The following CTNND1 variants were observed in gnomAD, a reference collection of about 807,000 sequenced individuals.
CTNND1 encodes catenin delta-1.
A neutral mutation model predicts 112.1 loss-of-function variants in CTNND1; 16 were observed. That is an observed-to-expected ratio of 0.14 (90% CI 0.10 to 0.22). The LOEUF (loss-of-function observed/expected upper bound fraction) is 0.22, where lower values mean the gene tolerates loss of function less well. Among genes scored for constraint, CTNND1 ranks in the 10% least tolerant of loss-of-function variants. CTNND1 has a pLI of 1.00. For synonymous variants in CTNND1, 420 were observed against 446.5 expected, an observed-to-expected ratio of 0.94 and a Z score of 0.75; for missense variants, 1,008 against 1,257.0, an observed-to-expected ratio of 0.80 and a Z score of 3.00.
At chr11:57,813,478 T>C (rs1458997090) in intron 17 of CTNND1, among the ~76,000 whole-genome samples, 3 of 152,200 alleles carry the variant, frequency 2.0e-5, no homozygotes, top group Non-Finnish European at 4.4e-5. Flanking sequence ...CAAATACATA[T>C]GTCAAAATCG....
At position 57,789,732 on chromosome 11, in the gene CTNND1, G is replaced by A. The variant is rs117007972; in HGVS notation, c.-95+577G>A. 4.6e-4 allele frequency among the ~76,000 whole-genome samples: 70 copies of A among 152,270 alleles called. No individual in the cohort carries two copies. The East Asian group carries it at 5.2e-3, about 11-fold the overall frequency. ...AAAGTTTACAAATTTGTGTTGGGCC[G>A]CATTCAAAGCTGTCCTGGGCTGCAT... is the stretch of plus-strand genomic sequence containing the variant. On this transcript the variant is annotated intron_variant, in intron 2 of 20. Coordinates refer to ENST00000399050, the MANE Select transcript of CTNND1 (RefSeq NM_001085458.2).
chr11:57,789,096 T>C lies in CTNND1; in HGVS notation c.-154T>C, dbSNP rs2060423872. On this transcript the variant is annotated 5_prime_UTR_variant, in exon 2 of 21. It removes the in-frame stop codon of an upstream open reading frame in the 5' UTR. Coordinates refer to ENST00000399050, the MANE Select transcript of CTNND1 (RefSeq NM_001085458.2). The stretch of plus-strand genomic sequence containing the variant: ...CTGGGATGCTTCTTCCATGATTTTT[T>C]GAATCTAGACTGGGCTGTTCTCTGT... 2 of 1,535,804 alleles carry C rather than the reference T, an allele frequency of 1.3e-6. No individual in the cohort carries two copies. Among genetic ancestry groups the C allele is most frequent in the Non-Finnish European group, 1.7e-6 (2 of 1,146,908 alleles).
intron 1 of CTNND1, among the ~76,000 whole-genome samples, chr11:57,783,290 A>G (rs1015146962): frequency 3.3e-5 from 5 of 151,818 alleles, no homozygotes; most frequent in South Asian, 4.2e-4. Context: ...AAAAACAAAC[A>G]AACAAACAAA....
At chr11:57,793,126 C>T (rs936943975) in intron 3 of CTNND1, 2 of 152,158 alleles carry the variant, frequency 1.3e-5, no homozygotes, top group Non-Finnish European at 2.9e-5. Context: ...CTTCCTTCTT[C>T]CTGAAAGTAA....
intron 6 of CTNND1, among the ~76,000 whole-genome samples, chr11:57,800,819 C>T (rs2137090651): frequency 6.6e-6 from 1 of 152,284 alleles, no homozygotes; most frequent in Non-Finnish European, 1.5e-5. Context: ...GGGTTTCTTC[C>T]TTCCTGGTAG....
In CTNND1 at chr11:57,807,284, C is replaced by G. The variant is rs2062789937; in HGVS notation, c.1963+301C>G. Among the ~76,000 whole-genome samples the G allele has an allele frequency of 2.0e-5, 3 of 152,160 alleles. No individual in the cohort carries two copies. In the South Asian group the frequency reaches 6.2e-4, roughly 32 times the overall value. ...TGTAGTGCCTGAGACTTAAACCTCA[C>G]TATTAAAAGAGGCTTCTTTACCAAG... On this transcript the variant is annotated intron_variant, in intron 12 of 20. Transcript: ENST00000399050.
chr11:57,767,711 A>T (rs1212925686), intron 1 of CTNND1, among the ~76,000 whole-genome samples: 4 of 152,162 alleles, frequency 2.6e-5, no homozygotes, highest in African/African-American at 9.7e-5. Flanking sequence ...GTGACACTTA[A>T]GTTATTTAAT....
chr11:57,791,951 A>T (rs934746332), intron 3 of CTNND1, among the ~76,000 whole-genome samples: 1 of 152,056 alleles, frequency 6.6e-6, no homozygotes, highest in African/African-American at 2.4e-5. Flanking sequence ...GTAATGGTAG[A>T]TAGTTTAGTT....
intron 1 of CTNND1, chr11:57,781,515 A>G (rs555059003): frequency 1.3e-5 from 2 of 152,170 alleles, no homozygotes; most frequent in South Asian, 2.1e-4. Flanking sequence ...CCCTTCCTTT[A>G]GTCTAACACC....
At chr11:57,786,144 G>A (rs1356891186) in intron 1 of CTNND1, among the ~76,000 whole-genome samples, 1 of 150,456 alleles carries the variant, frequency 6.6e-6, no homozygotes, top group Non-Finnish European at 1.5e-5. Flanking sequence ...GGAATAACAA[G>A]TTTCACTTTA....
rs145871725 is a variant in CTNND1, at chr11:57,804,592, T to C, written c.1605-71T>C. The C allele has an allele frequency of 1.9e-4, 206 of 1,090,348 alleles. 1 individual carries two copies. In the African/African-American group the frequency reaches 2.9e-3, roughly 15 times the overall value. The allele number at this position is 1,090,348 out of a possible 1,614,324, so 67.5% of individuals were successfully genotyped here. The stretch of plus-strand genomic sequence containing the variant: ...TAGAAAAACATATTCAGGAATCTTG[T>C]AGGTGTTGAGGGATATTTAAGGGAG... On this transcript the variant is annotated intron_variant, in intron 8 of 20. Coordinates refer to ENST00000399050, the MANE Select transcript of CTNND1 (RefSeq NM_001085458.2).
chr11:57,789,610 GGAA>G (rs2060476637), intron 2 of CTNND1, among the ~76,000 whole-genome samples: 2 of 152,298 alleles, frequency 1.3e-5, no homozygotes, highest in South Asian at 2.1e-4. Flanking sequence ...GGGCTACAGT[GGAA>G]GAAGAATTGT....
At position 57,794,085 on chromosome 11, in the gene CTNND1, A is replaced by G. The variant is rs750185141; in HGVS notation, c.267+4A>G. On this transcript the variant is annotated splice_donor_region_variant and intron_variant, in intron 4 of 20. Transcript: ENST00000399050. Reference sequence around the variant, plus strand: ...TTTGAAACTCAACGGACCCCAGGTAATTCTTTGGCTCAAGACCTGGGTTGC... The same window carrying G: ...TTTGAAACTCAACGGACCCCAGGTAGTTCTTTGGCTCAAGACCTGGGTTGC... The G allele has an allele frequency of 6.2e-7, 1 of 1,613,644 alleles. No individual in the cohort carries two copies. Among genetic ancestry groups the G allele is most frequent in the East Asian group, 2.2e-5 (1 of 44,882 alleles).
At chr11:57,798,117 G>T (rs1386827770) in intron 6 of CTNND1, among the ~76,000 whole-genome samples, 3 of 152,048 alleles carry the variant, frequency 2.0e-5, no homozygotes, top group Non-Finnish European at 4.4e-5. Context: ...GGGAGGCCGA[G>T]TTGGGCGGAT....
rs371436012 is a variant in CTNND1 at position 57,806,943 on chromosome 11, C to T, written c.1923C>T (p.Asn641=). ...RGKKPIEDPA[N]DTVDFPKRTS... Reference sequence around the variant, plus strand: ...AAAAACCTATAGAGGATCCAGCAAACGATACAGTGGATTTCCCTAAAAGAA... The same window carrying T: ...AAAAACCTATAGAGGATCCAGCAAATGATACAGTGGATTTCCCTAAAAGAA... Residue 641 remains asparagine, a synonymous_variant, in exon 12 of 21, where the codon AAC becomes AAT. Coordinates refer to ENST00000399050, the MANE Select transcript of CTNND1 (RefSeq NM_001085458.2). The T allele has an allele frequency of 1.2e-5, 19 of 1,601,396 alleles. No homozygotes were observed. The highest frequency in any genetic ancestry group is 6.7e-5 in the East Asian group (3 of 44,602).
At chr11:57,790,466 C>T (rs2060585529) in intron 2 of CTNND1, among the ~76,000 whole-genome samples, 2 of 111,182 alleles carry the variant, frequency 1.8e-5, no homozygotes, top group African/African-American at 5.6e-5. Flanking sequence ...TCACTGCAAC[C>T]TCCGCTATTC....
At position 57,796,754 on chromosome 11, in the gene CTNND1, C is replaced by T. The variant is rs750431202; in HGVS notation, c.718C>T (p.Arg240Trp). 5 of 1,612,994 alleles carry T rather than the reference C, an allele frequency of 3.1e-6. No homozygotes were observed. The highest frequency in any genetic ancestry group is 2.2e-5 in the South Asian group (2 of 90,970). ...SLSRVTRIEE[R>W]YRPSMEGYRA... ...GTCCCGGGTGACCCGCATTGAGGAGCGGTATAGGCCCAGCATGGAAGGCTA... is the reference window on the plus strand; with the variant it reads ...GTCCCGGGTGACCCGCATTGAGGAGTGGTATAGGCCCAGCATGGAAGGCTA... Residue 240 changes from arginine to tryptophan, a missense_variant, in exon 6 of 21, where the codon CGG becomes TGG. By Grantham distance (101) the Arg-to-Trp change is moderately radical. Coordinates refer to ENST00000399050, the MANE Select transcript of CTNND1 (RefSeq NM_001085458.2).
rs2060420073 is a variant in CTNND1, at chr11:57,789,043, C to G, written c.-207C>G. The stretch of plus-strand genomic sequence containing the variant: ...CCTTCAAATATTTCTGCAGCTCTCT[C>G]CTTCCTGCTTCCTCCTTGCTGTGGT... On this transcript the variant is annotated 5_prime_UTR_variant, in exon 2 of 21. Coordinates refer to ENST00000399050, the MANE Select transcript of CTNND1 (RefSeq NM_001085458.2). 1.3e-6 allele frequency: 2 copies of G among 1,535,114 alleles called. No individual in the cohort carries two copies. Among genetic ancestry groups the G allele is most frequent in the African/African-American group, 1.4e-5 (1 of 73,028 alleles).
intron 20 of CTNND1, 115 bp from the exon 21 acceptor site, chr11:57,816,182 T>C (rs1279590939): frequency 3.7e-6 from 5 of 1,357,532 alleles, no homozygotes; most frequent in Admixed American, 1.8e-5. Flanking sequence ...CAGCTGGTGA[T>C]CTGATTCTCC....
Sources: allele counts gnomAD v4.1 joint callset (sites outside exome capture counted in the v4.1 genomes callset), GRCh38; gene constraint gnomAD v4.1.1; transcripts MANE v1.5; gene names NCBI Gene and HGNC (gene_info 2026-07-23, HGNC 2026-07-21).